The following GUCY1A2 variants were observed in gnomAD, a reference collection of about 807,000 sequenced individuals.
The protein encoded by GUCY1A2 is guanylate cyclase 1 soluble subunit alpha 2, also known as guanylate cyclase soluble subunit alpha-2.
Under a neutral mutation model 63.5 loss-of-function variants are expected in GUCY1A2, and 27 were observed. The observed-to-expected ratio is 0.43, with a 90% CI of 0.31 to 0.59. The LOEUF (loss-of-function observed/expected upper bound fraction) is 0.59. Among genes scored for constraint, GUCY1A2 ranks in the 20% least tolerant of loss-of-function variants. GUCY1A2 has a pLI of 0.11. For synonymous variants in GUCY1A2, 364 were observed against 343.5 expected, an observed-to-expected ratio of 1.06 and a Z score of -0.66; for missense variants, 768 against 913.3, an observed-to-expected ratio of 0.84 and a Z score of 2.05.
intron 2 of GUCY1A2, among the ~76,000 whole-genome samples, chr11:106,980,933 A>G (rs1861326676): frequency 6.6e-6 from 1 of 152,340 alleles, no homozygotes; most frequent in South Asian, 2.1e-4. Context: ...TGACCTTAAA[A>G]AAGTACTTTT....
intron 6 of GUCY1A2, among the ~76,000 whole-genome samples, chr11:106,745,196 A>G (rs1201660944): frequency 6.6e-6 from 1 of 152,184 alleles, no homozygotes; most frequent in African/African-American, 2.4e-5. Flanking sequence ...CTATATTTAG[A>G]CTGAAAACTA....
At chr11:106,911,805 T>C (rs1860298419) in intron 4 of GUCY1A2, among the ~76,000 whole-genome samples, 1 of 152,078 alleles carries the variant, frequency 6.6e-6, no homozygotes, top group Non-Finnish European at 1.5e-5. Flanking sequence ...CAAATTTGTA[T>C]TTATCTTGAG....
At chr11:106,745,767 G>C (rs1257671370) in intron 6 of GUCY1A2, among the ~76,000 whole-genome samples, 1 of 152,102 alleles carries the variant, frequency 6.6e-6, no homozygotes. Context: ...TCTTGCAACT[G>C]GATAACACAT....
chr11:106,695,395 A>G (rs1011563072), intron 7 of GUCY1A2, among the ~76,000 whole-genome samples: 4 of 152,210 alleles, frequency 2.6e-5, no homozygotes, highest in African/African-American at 7.2e-5. Flanking sequence ...TCATCTGAAT[A>G]TCTTTTTTTG....
intron 4 of GUCY1A2, among the ~76,000 whole-genome samples, chr11:106,869,056 T>A (rs1458933978): frequency 6.6e-6 from 1 of 152,212 alleles, no homozygotes; most frequent in African/African-American, 2.4e-5. Flanking sequence ...GCTAGCCATA[T>A]GTAGAAAGCT....
intron 4 of GUCY1A2, among the ~76,000 whole-genome samples, chr11:106,834,724 C>T (rs144677346): frequency 1.4e-4 from 21 of 152,048 alleles, no homozygotes; most frequent in Admixed American, 1.1e-3. Flanking sequence ...AAAGCATAAA[C>T]GTTGAGCTAA....
rs77707266 is a variant in GUCY1A2 at position 106,952,013 on chromosome 11, T to C, written c.488-11835A>G. On this transcript the variant is annotated intron_variant, in intron 3 of 7. Coordinates refer to ENST00000526355, the MANE Select transcript of GUCY1A2 (RefSeq NM_000855.3). The stretch of plus-strand genomic sequence containing the variant: ...TAGGAGATCCTTTCTCCATTGCTTG[T>C]TTTTTGTCAGGTTTGTCAAAGATCA... Among the ~76,000 whole-genome samples the C allele has an allele frequency of 6.7e-4, 102 of 152,286 alleles. 1 individual carries two copies. In the East Asian group the frequency reaches 0.016, roughly 24 times the overall value.
chr11:106,776,280 C>T (rs77203793), intron 6 of GUCY1A2, among the ~76,000 whole-genome samples, 159 bp downstream of exon 6: 3,725 of 152,160 alleles, frequency 0.024, 158 homozygotes, highest in East Asian at 0.15. Context: ...TTGTTCTTTT[C>T]CTGGATTTAT....
chr11:106,792,467 A>G (rs1864681980), intron 5 of GUCY1A2, among the ~76,000 whole-genome samples: 2 of 152,312 alleles, frequency 1.3e-5, no homozygotes, highest in South Asian at 4.1e-4. Context: ...AACATACACA[A>G]ATCAATAAAT....
rs1234112010 is a variant in GUCY1A2 at position 106,872,753 on chromosome 11, G to GCA, written c.1207-62277_1207-62276dup. 3.3e-5 allele frequency among the ~76,000 whole-genome samples: 5 copies of GCA among 152,114 alleles called. No individual in the cohort carries two copies. In the South Asian group the frequency reaches 8.3e-4, roughly 25 times the overall value. ...CCCAATTCTTCAGAATGGTGCATGT[G>GCA]CACACACACACATACCAACACAAAA... On this transcript the variant is annotated intron_variant, in intron 4 of 7. Transcript: ENST00000526355.
chr11:106,928,409 A>C (rs1250526188), intron 4 of GUCY1A2, among the ~76,000 whole-genome samples: 4 of 152,142 alleles, frequency 2.6e-5, no homozygotes. Flanking sequence ...TCCTTCAAAA[A>C]GCAAGAGTTT....
At chr11:106,911,034 T>G (rs1333724115) in intron 4 of GUCY1A2, among the ~76,000 whole-genome samples, 1 of 151,712 alleles carries the variant, frequency 6.6e-6, no homozygotes, top group East Asian at 1.9e-4. Context: ...AGCACATAGT[T>G]GAAGTTCAGT....
intron 1 of GUCY1A2, among the ~76,000 whole-genome samples, chr11:106,988,660 G>A (rs940479845): frequency 1.3e-5 from 2 of 152,144 alleles, no homozygotes; most frequent in East Asian, 1.9e-4. Flanking sequence ...AAAGCTTCAG[G>A]TTGATAAAGC....
chr11:106,942,948 A>C (rs1343828591), intron 3 of GUCY1A2, among the ~76,000 whole-genome samples: 1 of 152,220 alleles, frequency 6.6e-6, no homozygotes. Context: ...TTACTAAAAA[A>C]AAATGAATTT....
At chr11:106,804,948 C>T (rs1858661298) in intron 5 of GUCY1A2, among the ~76,000 whole-genome samples, 1 of 152,150 alleles carries the variant, frequency 6.6e-6, no homozygotes, top group Non-Finnish European at 1.5e-5. Context: ...CCTGGATTTC[C>T]TACTTTGCTA....
intron 1 of GUCY1A2, among the ~76,000 whole-genome samples, chr11:107,010,974 T>A (rs1861735655): frequency 6.6e-6 from 1 of 152,030 alleles, no homozygotes; most frequent in Admixed American, 6.5e-5. Context: ...AGGCAATCCA[T>A]CTGCCTCAGC....
At chr11:106,947,431 T>C (rs978198903) in intron 3 of GUCY1A2, among the ~76,000 whole-genome samples, 1 of 151,408 alleles carries the variant, frequency 6.6e-6, no homozygotes, top group Middle Eastern at 3.2e-3. Flanking sequence ...TTTTGAGAAA[T>C]CAAAAGATCA....
chr11:106,860,779 T>C (rs926849831), intron 4 of GUCY1A2, among the ~76,000 whole-genome samples: 6 of 152,014 alleles, frequency 3.9e-5, no homozygotes, highest in African/African-American at 1.2e-4. Context: ...CTTTCACTTA[T>C]TGTTCTAATG....
intron 6 of GUCY1A2, among the ~76,000 whole-genome samples, chr11:106,775,451 G>A (rs913746279): frequency 6.8e-6 from 1 of 147,014 alleles, no homozygotes; most frequent in Non-Finnish European, 1.5e-5. Context: ...TAATAACAGG[G>A]CTCTTAAGTT....
Sources: gnomAD v4.1 joint callset for allele counts (sites outside exome capture counted in the v4.1 genomes callset) on GRCh38, gnomAD v4.1.1 for gene constraint, MANE v1.5 for transcripts, NCBI Gene and HGNC (gene_info 2026-07-23, HGNC 2026-07-21) for gene names.